Variants in SGSM2 observed in about 807,000 individuals in gnomAD.
SGSM2 encodes the protein small G protein signaling modulator 2, also known as RUN and TBC1 domain containing 1.
SGSM2 carries 89 observed loss-of-function variants against 126.6 expected under a neutral mutation model. The ratio of observed to expected loss-of-function variants is 0.70; its 90% CI spans 0.59 to 0.84. The LOEUF is 0.84. Ranked by LOEUF, SGSM2 falls within the 40% of genes least tolerant of loss-of-function variation. The probability of loss-of-function intolerance (pLI) is 0.00; values close to 1 mark genes in which losing one functional copy is unlikely to be tolerated. For missense variants in SGSM2, 1,404 were observed against 1,416.6 expected (o/e 0.99, Z 0.14); for synonymous variants, 614 against 574.3 (o/e 1.07, Z -0.99).
At position 2,380,063 on chromosome 17, in the gene SGSM2, C is replaced by T. The variant is rs1597405445; in HGVS notation, c.*543C>T. ...GCGGGAGACCCGGGCACGGGAGACC[C>T]GGGCCGCCTTCAGGCCGCTCCCCCG... On this transcript the variant is annotated 3_prime_UTR_variant, in exon 24 of 24. Coordinates refer to ENST00000268989, the MANE Select transcript of SGSM2 (RefSeq NM_014853.3). The T allele has an allele frequency of 5.0e-6, 7 of 1,413,494 alleles. No homozygotes were observed. The highest frequency in any genetic ancestry group is 2.6e-4 in the Middle Eastern group (1 of 3,810). The allele number at this position is 1,413,494 out of a possible 1,614,324, so 87.6% of individuals were successfully genotyped here.
In SGSM2 at chr17:2,372,842, C is replaced by G. The variant is rs2151622620; in HGVS notation, c.1789-111C>G. On this transcript the variant is annotated intron_variant, in intron 15 of 23. Coordinates refer to ENST00000268989, the MANE Select transcript of SGSM2 (RefSeq NM_014853.3). The surrounding 1 kb of genome is among the most constrained non-coding windows in gnomAD (Gnocchi z 6.0). ...CCCAAAGCAGGCCTTGCCTGGGCTT[C>G]AGCAGTCACTACAGGCCCCGCCCCA... The G allele has an allele frequency of 7.1e-7, 1 of 1,416,052 alleles. No homozygotes were observed. The highest frequency in any genetic ancestry group is 1.4e-5 in the African/African-American group (1 of 69,554). 87.7% of individuals were successfully genotyped at this position (1,416,052 alleles called of 1,614,324 possible). A position where few individuals can be genotyped will look rare whatever the true frequency, so the allele number is the denominator to read the frequency against.
At chr17:2,353,175 T>A (rs968101360) in intron 2 of SGSM2, among the ~76,000 whole-genome samples, 8 of 152,138 alleles carry the variant, frequency 5.3e-5, no homozygotes, top group Non-Finnish European at 1.0e-4. Context: ...CTCTAATCCC[T>A]GCCCCGCTCA....
Position 2,365,343 on chromosome 17 carries a change from T to G in SGSM2, c.1288+2T>G. On this transcript the variant is annotated splice_donor_variant, in intron 11 of 23. Transcript: ENST00000268989. LOFTEE classifies it high-confidence loss of function. Reference sequence around the variant, plus strand: ...ACCCCGGCCACAGGCACGAGCACAGTGAGTGTCCCGAGCTTCATCCCGGGG... The same window carrying G: ...ACCCCGGCCACAGGCACGAGCACAGGGAGTGTCCCGAGCTTCATCCCGGGG... The G allele has an allele frequency of 6.5e-7, 1 of 1,546,176 alleles. No homozygotes were observed. Among genetic ancestry groups the G allele is most frequent in the Non-Finnish European group, 8.8e-7 (1 of 1,141,922 alleles).
chr17:2,379,578 G>C lies in SGSM2; in HGVS notation c.*58G>C. ...CTGGGCTCCGGCAGGGAGAGGTGCA[G>C]GGGAGTCACCGCCCAGACCTCCCCA... On this transcript the variant is annotated 3_prime_UTR_variant, in exon 24 of 24. Transcript: ENST00000268989. 1 of 1,578,732 alleles carries C rather than the reference G, an allele frequency of 6.3e-7. No individual in the cohort carries two copies.
In SGSM2 at chr17:2,372,276, C is replaced by T. The variant is rs1422680948; in HGVS notation, c.1642+22C>T. On this transcript the variant is annotated intron_variant, in intron 14 of 23. Coordinates refer to ENST00000268989, the MANE Select transcript of SGSM2 (RefSeq NM_014853.3). The surrounding 1 kb of genome is among the most constrained non-coding windows in gnomAD (Gnocchi z 6.0). ...GGCTGTGAGTGTGGGGCGCGCCGGG[C>T]TGTGGCGGGCTGGGGGCGGGCGGCC... is the stretch of plus-strand genomic sequence containing the variant. The T allele has an allele frequency of 6.2e-7, 1 of 1,612,202 alleles. No homozygotes were observed. Among genetic ancestry groups the T allele is most frequent in the South Asian group, 1.1e-5 (1 of 91,070 alleles).
chr17:2,378,354 T>A (rs1334373407), intron 22 of SGSM2, among the ~76,000 whole-genome samples: 1 of 151,950 alleles, frequency 6.6e-6, no homozygotes, highest in Non-Finnish European at 1.5e-5. Flanking sequence ...GGCAAGCAAA[T>A]CACTTGAGGT....
intron 2 of SGSM2, among the ~76,000 whole-genome samples, chr17:2,347,198 C>G (rs969490871): frequency 1.3e-5 from 2 of 152,124 alleles, no homozygotes; most frequent in Non-Finnish European, 2.9e-5. Flanking sequence ...CTCCGCCTCT[C>G]AGGTTCAAGC....
chr17:2,360,118 G>A (rs929379102), intron 2 of SGSM2, among the ~76,000 whole-genome samples: 6 of 152,258 alleles, frequency 3.9e-5, no homozygotes, highest in Non-Finnish European at 8.8e-5. Context: ...CGAGGCGGGC[G>A]GATCACTTGA....
intron 1 of SGSM2, among the ~76,000 whole-genome samples, chr17:2,343,166 G>GT (rs1427413761): frequency 2.6e-5 from 4 of 152,126 alleles, no homozygotes; most frequent in Non-Finnish European, 4.4e-5. Context: ...GGGGCAGGTT[G>GT]TTTATCTGCA....
chr17:2,352,817 G>T (rs71362309), intron 2 of SGSM2, among the ~76,000 whole-genome samples: 3 of 72,778 alleles, frequency 4.1e-5, no homozygotes, highest in Non-Finnish European at 5.4e-5. Flanking sequence ...TCGCTCTGTC[G>T]CCCAGGCTGG....
chr17:2,377,498 A>AACGAAAAAAAAGAAAAAAAAAAAAC (rs1567852754), intron 21 of SGSM2: 85 of 188,066 alleles, frequency 4.5e-4, no homozygotes, highest in South Asian at 1.7e-3. Flanking sequence ...AAAAAAAAAA[A>AACGAAAAAAAAGAAAAAAAAAAAAC]AACCATGGTT....
rs372599279 is a variant in SGSM2 at position 2,378,999 on chromosome 17, C to T, written c.2900-37C>T. 327 of 1,596,440 alleles carry T rather than the reference C, an allele frequency of 2.0e-4. 1 individual carries two copies. In the Middle Eastern group the frequency reaches 2.3e-3, roughly 11 times the overall value. On this transcript the variant is annotated intron_variant, in intron 22 of 23. Transcript: ENST00000268989. ...CCCAGCCTCAGCCCCAGATATGCGG[C>T]TAGGACGGGTGAGCAGCAGCCGCTT...
Position 2,375,872 on chromosome 17 carries a change from C to T in SGSM2, c.2481C>T (p.Tyr827=). ...EELAAVCAAA[Y]TIELLDTVAL... is the part of the protein sequence containing the mutation. Reference sequence around the variant, plus strand: ...TTGCGGCTGTGTGTGCGGCTGCCTACACTGTGCGTACATGCTCCCCAGGCT... The same window carrying T: ...TTGCGGCTGTGTGTGCGGCTGCCTATACTGTGCGTACATGCTCCCCAGGCT... The change falls in exon 18 of 24, where the codon TAC becomes TAT. Residue 827 remains tyrosine, a synonymous_variant. Transcript: ENST00000268989. 3 of 1,519,890 alleles carry T rather than the reference C, an allele frequency of 2.0e-6. No homozygotes were observed. The highest frequency in any genetic ancestry group is 1.3e-5 in the South Asian group (1 of 77,248). 94.2% of individuals were successfully genotyped at this position (1,519,890 alleles called of 1,614,324 possible). A position where few individuals can be genotyped will look rare whatever the true frequency, so the allele number is the denominator to read the frequency against.
At chr17:2,375,330 G>A (rs1298000572) in intron 17 of SGSM2, 162 bp from the exon 18 acceptor site, 2 of 852,908 alleles carry the variant, frequency 2.3e-6, no homozygotes, top group Non-Finnish European at 3.5e-6. Flanking sequence ...GGCTGGCTGG[G>A]TCAGAAGCTG....
At chr17:2,345,201 G>A (rs1385247131) in intron 2 of SGSM2, among the ~76,000 whole-genome samples, 2 of 152,136 alleles carry the variant, frequency 1.3e-5, no homozygotes, top group African/African-American at 2.4e-5. Context: ...AGTGGCTCAC[G>A]CCTGTAATCC....
chr17:2,367,322 A>T lies in SGSM2; in HGVS notation c.1340A>T (p.Asp447Val). The change falls in exon 12 of 24, where the codon GAT becomes GTT. Residue 447 changes from aspartate to valine, a missense_variant. Transcript: ENST00000268989. This position sits in a 1 kb window ranked among gnomAD's most constrained non-coding sequence, Gnocchi z 4.0. ...GCCAGCCGCGCGGCCTCGGTGGACG[A>T]TGATGAGGAAGAGGAGGATAAACTG... ...LAASRAASVD[D>V]DEEEEDKLHA... is the part of the protein sequence containing the mutation. 1 of 1,614,084 alleles carries T rather than the reference A, an allele frequency of 6.2e-7. No homozygotes were observed. The highest frequency in any genetic ancestry group is 2.2e-5 in the East Asian group (1 of 44,874).
chr17:2,379,401 CCT>C (rs1382653905), intron 23 of SGSM2, 29 bp from the exon 24 acceptor site: 1 of 1,593,938 alleles, frequency 6.3e-7, no homozygotes, highest in African/African-American at 1.3e-5. Flanking sequence ...TTTCTCTGGG[CCT>C]CTCTACAGCT....
chr17:2,338,381 G>C (rs903430517), intron 1 of SGSM2, among the ~76,000 whole-genome samples: 1 of 152,144 alleles, frequency 6.6e-6, no homozygotes, highest in Non-Finnish European at 1.5e-5. Flanking sequence ...AAGAGAAGTA[G>C]TCCTTCCCTC....
intron 1 of SGSM2, among the ~76,000 whole-genome samples, chr17:2,343,250 G>A (rs1408988552): frequency 6.6e-6 from 1 of 152,158 alleles, no homozygotes; most frequent in Non-Finnish European, 1.5e-5. Flanking sequence ...GAGAACAGAT[G>A]AGCAAACAGC....
Sources: allele counts gnomAD v4.1 joint callset (sites outside exome capture counted in the v4.1 genomes callset), GRCh38; gene constraint gnomAD v4.1.1; non-coding constraint Gnocchi (gnomAD v3.1); transcripts MANE v1.5; gene names NCBI Gene and HGNC (gene_info 2026-07-23, HGNC 2026-07-21).